Variants in SMARCD3 observed in about 807,000 individuals in gnomAD.
SMARCD3 encodes SWI/SNF related BAF chromatin remodeling complex subunit D3.
In SMARCD3, 14 loss-of-function variants were observed where a neutral mutation model predicts 58.0. That is an observed-to-expected ratio of 0.24 (90% confidence interval 0.16 to 0.38). The LOEUF is 0.38. Ranked by LOEUF, SMARCD3 falls within the 10% of genes least tolerant of loss-of-function variation. The pLI is 1.00. For missense variants in SMARCD3, 408 were observed against 636.9 expected, an observed-to-expected ratio of 0.64 and a Z score of 3.87; for synonymous variants, 253 against 253.8, an observed-to-expected ratio of 1.00 and a Z score of 0.03.
At chr7:151,258,947 C>T (rs945017877) in intron 2 of SMARCD3, among the ~76,000 whole-genome samples, 1 of 152,158 alleles carries the variant, frequency 6.6e-6, no homozygotes, top group Non-Finnish European at 1.5e-5. Context: ...TCCCTCCACA[C>T]GCCCATTTCT....
At chr7:151,252,490 GAA>G (rs1472598242), upstream of SMARCD3, among the ~76,000 whole-genome samples, 47 of 152,178 alleles carry the variant, frequency 3.1e-4, no homozygotes, top group Admixed American at 2.7e-3. Context: ...GAGAGAGAAA[GAA>G]AGAGAGAGGG....
intron 2 of SMARCD3, among the ~76,000 whole-genome samples, chr7:151,271,371 A>C (rs1322822838): frequency 6.6e-6 from 1 of 151,964 alleles, no homozygotes; most frequent in Non-Finnish European, 1.5e-5. Flanking sequence ...TGCCTTCTAC[A>C]CTTGGGCCTC....
Position 151,241,340 on chromosome 7 carries a change from G to A in SMARCD3, c.939+152C>T, listed in dbSNP as rs1249441924. 5.5e-6 allele frequency: 4 copies of A among 733,000 alleles called. No homozygotes were observed. The highest frequency in any genetic ancestry group is 3.5e-5 in the African/African-American group (2 of 57,774). 45.4% of individuals were successfully genotyped at this position (733,000 alleles called of 1,614,324 possible). On this transcript the variant is annotated intron_variant, in intron 8 of 12. Coordinates refer to ENST00000262188, the MANE Select transcript of SMARCD3 (RefSeq NM_001003801.2). This position sits in a 1 kb window ranked among gnomAD's most constrained non-coding sequence, Gnocchi z 5.3. The stretch of plus-strand genomic sequence containing the variant: ...CAGTAGGGCCTGAACTAGAATCCTG[G>A]TCGGTCTCTTGGCTCCAAGACCATG...
intron 2 of SMARCD3, among the ~76,000 whole-genome samples, chr7:151,256,451 A>G (rs1052762889): frequency 6.6e-6 from 1 of 152,108 alleles, no homozygotes; most frequent in Non-Finnish European, 1.5e-5. Flanking sequence ...GATTACAGGC[A>G]TAAGCCACTG....
chr7:151,248,369 C>T lies in SMARCD3; in HGVS notation c.78+116G>A. The stretch of plus-strand genomic sequence containing the variant: ...CCCGCGGCCGGGCCGTGGGCCATGA[C>T]GCCCCCCACTAGAGGGGTGGGAGAG... On this transcript the variant is annotated intron_variant, in intron 1 of 12. Transcript: ENST00000262188. This position sits in a 1 kb window ranked among gnomAD's most constrained non-coding sequence, Gnocchi z 6.1. 1.1e-6 allele frequency: 1 copy of T among 885,696 alleles called. No homozygotes were observed. Among genetic ancestry groups the T allele is most frequent in the Non-Finnish European group, 1.8e-6 (1 of 559,054 alleles). 54.9% of individuals were successfully genotyped at this position (885,696 alleles called of 1,614,324 possible).
intron 2 of SMARCD3, among the ~76,000 whole-genome samples, chr7:151,271,885 G>A (rs1027372125): frequency 6.6e-6 from 1 of 152,162 alleles, no homozygotes; most frequent in Non-Finnish European, 1.5e-5. Context: ...CCTGAGCCCA[G>A]GAGTTGGAGG....
chr7:151,242,434 C>A lies in SMARCD3; in HGVS notation c.579+47G>T, dbSNP rs1435573366. 5 of 1,604,098 alleles carry A rather than the reference C, an allele frequency of 3.1e-6. No individual in the cohort carries two copies. In the South Asian group the frequency reaches 3.3e-5, roughly 11 times the overall value. On this transcript the variant is annotated intron_variant, in intron 5 of 12. Transcript: ENST00000262188. This position sits in a 1 kb window ranked among gnomAD's most constrained non-coding sequence, Gnocchi z 4.7. ...ACACCTTGTTCTGTTCTCAGTGCAG[C>A]CCATGCCCACCCCAGGACACCTGGA...
In SMARCD3 at chr7:151,248,315, G is replaced by T. The variant is rs985617351; in HGVS notation, c.78+170C>A. Among the ~76,000 whole-genome samples the T allele has an allele frequency of 1.3e-5, 2 of 148,858 alleles. No individual in the cohort carries two copies. The highest frequency in any genetic ancestry group is 3.0e-5 in the Non-Finnish European group (2 of 67,410). On this transcript the variant is annotated intron_variant, in intron 1 of 12. Transcript: ENST00000262188. The surrounding 1 kb of genome is among the most constrained non-coding windows in gnomAD (Gnocchi z 6.1). ...CAGACCCGGCCGGCCGCCTGGCGACGTGTTCGGGTGCCAGGGCGCCAGCAC... is the reference window on the plus strand; with the variant it reads ...CAGACCCGGCCGGCCGCCTGGCGACTTGTTCGGGTGCCAGGGCGCCAGCAC...
chr7:151,245,662 TC>T lies in SMARCD3; in HGVS notation c.87del (p.Met30CysfsTer118). 2 of 784,146 alleles carry T rather than the reference TC, an allele frequency of 2.6e-6. No homozygotes were observed. Among genetic ancestry groups the T allele is most frequent in the Non-Finnish European group, 3.3e-6 (2 of 608,762 alleles). The allele number at this position is 784,146 out of a possible 1,614,324, so 48.6% of individuals were successfully genotyped here. ...TGGGGCATCCGGGCTCCAGACGGCATCCCGGGGCGCTGGGGGTGGGCGGGGG... is the reference window on the plus strand; with the variant it reads ...TGGGGCATCCGGGCTCCAGACGGCATCCGGGGCGCTGGGGGTGGGCGGGGG... ...FEFLVHGVRP[G>X]MPSGARMPHQ... On this transcript the variant is annotated frameshift_variant, in exon 2 of 13. Coordinates refer to ENST00000262188, the MANE Select transcript of SMARCD3 (RefSeq NM_001003801.2). LOFTEE classifies it high-confidence loss of function. The surrounding 1 kb of genome is among the most constrained non-coding windows in gnomAD (Gnocchi z 6.2).
In SMARCD3 at chr7:151,239,113, C is replaced by T. The variant is rs763076132; in HGVS notation, c.1442G>A (p.Arg481His). The T allele has an allele frequency of 1.9e-6, 3 of 1,613,980 alleles. No individual in the cohort carries two copies. The highest frequency in any genetic ancestry group is 2.2e-5 in the East Asian group (1 of 44,896). ...CTTATTTTTGGGCTCCTAGGTGTTGCGCACAACCAGCGACTGCTCCAGCTC... is the reference window on the plus strand; with the variant it reads ...CTTATTTTTGGGCTCCTAGGTGTTGTGCACAACCAGCGACTGCTCCAGCTC... ...RQELEQSLVVRNT is the reference protein window; with the variant it reads ...RQELEQSLVVHNT The change falls in exon 13 of 13, where the codon CGC becomes CAC. Residue 481 changes from arginine (R) to histidine (H), a missense_variant. Physicochemically the swap from Arg to His is conservative, Grantham distance 29. Around this residue, in one of 4 missense-constraint regions of SMARCD3, gnomAD observed 81 missense variants for 109.7 expected, o/e 0.74. Coordinates refer to ENST00000262188, the MANE Select transcript of SMARCD3 (RefSeq NM_001003801.2). The surrounding 1 kb of genome is among the most constrained non-coding windows in gnomAD (Gnocchi z 7.0).
rs1802985953 is a variant in SMARCD3 at position 151,241,546 on chromosome 7, C to G, written c.885G>C (p.Arg295Ser). ...ATTCCTTGTCATGGGAGTCCTGCAG[C>G]CTGTTGGTCTTCACATACTGCCACA... ...QALWQYVKTNRLQDSHDKEYI... is the reference protein window; with the variant it reads ...QALWQYVKTNSLQDSHDKEYI... The change falls in exon 8 of 13, where the codon AGG becomes AGC. Residue 295 changes from arginine to serine, a missense_variant. Transcript: ENST00000262188. The surrounding 1 kb of genome is among the most constrained non-coding windows in gnomAD (Gnocchi z 5.3). The G allele has an allele frequency of 1.2e-6, 2 of 1,611,846 alleles. No homozygotes were observed. The highest frequency in any genetic ancestry group is 2.7e-5 in the African/African-American group (2 of 74,918).
intron 2 of SMARCD3, chr7:151,275,009 T>G (rs1795297668): frequency 1.1e-6 from 1 of 907,116 alleles, no homozygotes. Context: ...GGGGCAGAAA[T>G]GCCGGGAGGG....
At chr7:151,257,677 A>G (rs764526623) in intron 2 of SMARCD3, among the ~76,000 whole-genome samples, 52 of 152,142 alleles carry the variant, frequency 3.4e-4, no homozygotes, top group Non-Finnish European at 6.6e-4. Flanking sequence ...GAGGGAGGAC[A>G]CTTTCCCCTC....
chr7:151,275,690 T>C (rs1584903042), intron 1 of SMARCD3, among the ~76,000 whole-genome samples: 1 of 151,976 alleles, frequency 6.6e-6, no homozygotes, highest in African/African-American at 2.4e-5. Context: ...GGCAGGCAGG[T>C]AGTCAGCCTG....
At chr7:151,255,679 C>G (rs935177821) in intron 2 of SMARCD3, among the ~76,000 whole-genome samples, 5 of 152,102 alleles carry the variant, frequency 3.3e-5, no homozygotes, top group Non-Finnish European at 5.9e-5. Context: ...TACTCGCTGA[C>G]CACCGTCTCC....
intron 2 of SMARCD3, among the ~76,000 whole-genome samples, chr7:151,263,377 C>T (rs1259713814): frequency 6.6e-6 from 1 of 152,036 alleles, no homozygotes; most frequent in East Asian, 1.9e-4. Flanking sequence ...GGCAGGATGT[C>T]CATGTGTCCA....
intron 2 of SMARCD3, among the ~76,000 whole-genome samples, chr7:151,268,521 G>A (rs934786270): frequency 2.0e-5 from 3 of 152,182 alleles, no homozygotes; most frequent in Non-Finnish European, 4.4e-5. Flanking sequence ...AAGAGGAGGG[G>A]CTGGGTTGAG....
At chr7:151,263,681 C>T (rs1371973330) in intron 2 of SMARCD3, among the ~76,000 whole-genome samples, 1 of 152,214 alleles carries the variant, frequency 6.6e-6, no homozygotes, top group Non-Finnish European at 1.5e-5. Flanking sequence ...ATCTCTCAGG[C>T]CCACTGGTCT....
intron 2 of SMARCD3, among the ~76,000 whole-genome samples, chr7:151,257,214 C>G (rs1017348197): frequency 1.3e-5 from 2 of 151,760 alleles, no homozygotes; most frequent in Non-Finnish European, 2.9e-5. Flanking sequence ...TCTCTTAACC[C>G]TACTTATCCT....
Sources: gnomAD v4.1 joint callset for allele counts (sites outside exome capture counted in the v4.1 genomes callset) on GRCh38, gnomAD v4.1.1 for gene constraint, gnomAD v4.1.1 regional missense constraint, Gnocchi (gnomAD v3.1) non-coding constraint, MANE v1.5 for transcripts, NCBI Gene and HGNC (gene_info 2026-07-23, HGNC 2026-07-21) for gene names.